The following STAC variants were observed in gnomAD, a reference collection of about 807,000 sequenced individuals.
STAC encodes the protein SH3 and cysteine-rich domain-containing protein.
Under a neutral mutation model 48.8 loss-of-function variants are expected in STAC, and 43 were observed. The ratio of observed to expected loss-of-function variants is 0.88; its 90% CI spans 0.69 to 1.14. The LOEUF (loss-of-function observed/expected upper bound fraction) is 1.14, where lower values mean the gene tolerates loss of function less well. Among genes scored for constraint, STAC ranks in the 50% most tolerant of loss-of-function variants. The pLI is 0.00. For synonymous variants in STAC, 193 were observed against 179.5 expected, an observed-to-expected ratio of 1.07 and a Z score of -0.60; for missense variants, 497 against 504.0, an observed-to-expected ratio of 0.99 and a Z score of 0.13.
chr3:36,534,596 A>G (rs540788523), intron 10 of STAC, among the ~76,000 whole-genome samples: 1 of 150,814 alleles, frequency 6.6e-6, no homozygotes, highest in East Asian at 1.9e-4. Flanking sequence ...TTTTTTGCAG[A>G]GCTCTTGTTT....
At position 36,483,099 on chromosome 3, in the gene STAC, G is replaced by A; in HGVS notation, c.489+7G>A. On this transcript the variant is annotated splice_region_variant and intron_variant, in intron 3 of 10. Coordinates refer to ENST00000273183, the MANE Select transcript of STAC (RefSeq NM_003149.3). ...GCGGTGCATGGGCAAGCTGGTAAGG[G>A]CTTGTGCCAGGAGTGAGGCCCACAC... 6.2e-7 allele frequency: 1 copy of A among 1,610,200 alleles called. No individual in the cohort carries two copies. The highest frequency in any genetic ancestry group is 2.2e-5 in the East Asian group (1 of 44,832).
At chr3:36,395,583 G>C (rs2885139) in intron 1 of STAC, among the ~76,000 whole-genome samples, 62,016 of 151,880 alleles carry the variant, frequency 0.41, 12,831 homozygotes, top group African/African-American at 0.47. Flanking sequence ...TCTAAGATCC[G>C]AGCCAGAAAT....
intron 10 of STAC, among the ~76,000 whole-genome samples, chr3:36,540,508 A>C (rs1699299761): frequency 6.6e-6 from 1 of 152,156 alleles, no homozygotes; most frequent in East Asian, 1.9e-4. Flanking sequence ...GATGCAGCAG[A>C]AGAGGACAGA....
At chr3:36,461,915 GTAAT>G (rs1575215779) in intron 2 of STAC, among the ~76,000 whole-genome samples, 1 of 152,138 alleles carries the variant, frequency 6.6e-6, no homozygotes, top group East Asian at 1.9e-4. Context: ...ATTCTGTAGG[GTAAT>G]TAACAGGACA....
chr3:36,384,515 G>T (rs1340151120), intron 1 of STAC, among the ~76,000 whole-genome samples: 1 of 152,030 alleles, frequency 6.6e-6, no homozygotes, highest in African/African-American at 2.4e-5. Context: ...TTCTCTATTT[G>T]TTTCAAATCA....
chr3:36,487,119 G>A (rs898643942), intron 5 of STAC, among the ~76,000 whole-genome samples: 2 of 152,232 alleles, frequency 1.3e-5, no homozygotes, highest in Non-Finnish European at 2.9e-5. Flanking sequence ...AGAGGGGCAG[G>A]GCACATGCCT....
chr3:36,410,557 C>T (rs866144108), intron 1 of STAC, among the ~76,000 whole-genome samples: 10 of 152,150 alleles, frequency 6.6e-5, no homozygotes, highest in Admixed American at 5.2e-4. Context: ...ATCAGGTTGC[C>T]GTGCTACATG....
intron 6 of STAC, among the ~76,000 whole-genome samples, chr3:36,498,955 T>A (rs1278318391): frequency 6.6e-6 from 1 of 152,030 alleles, no homozygotes; most frequent in Non-Finnish European, 1.5e-5. Flanking sequence ...TACAAAGAAA[T>A]GAAAATTAGA....
chr3:36,514,983 A>G (rs537506579), intron 8 of STAC, among the ~76,000 whole-genome samples: 8 of 152,076 alleles, frequency 5.3e-5, no homozygotes, highest in Admixed American at 2.6e-4. Flanking sequence ...GGTTGCAGTG[A>G]GCCAAGATCA....
chr3:36,540,241 C>T (rs1699291869), intron 10 of STAC, among the ~76,000 whole-genome samples: 1 of 152,154 alleles, frequency 6.6e-6, no homozygotes, highest in Admixed American at 6.5e-5. Context: ...GCAGCCCTGC[C>T]AGCACCTTGT....
chr3:36,513,957 C>T (rs1207971818), intron 8 of STAC, among the ~76,000 whole-genome samples: 3 of 152,044 alleles, frequency 2.0e-5, no homozygotes, highest in Non-Finnish European at 2.9e-5. Context: ...CTAGCCAAGC[C>T]ACTGTCTAGC....
intron 8 of STAC, among the ~76,000 whole-genome samples, chr3:36,511,435 C>A (rs563179750): frequency 6.6e-6 from 1 of 152,212 alleles, no homozygotes; most frequent in East Asian, 1.9e-4. Flanking sequence ...CATTCATGAC[C>A]CCAAAATGTG....
chr3:36,411,628 A>T (rs532759033), intron 1 of STAC, among the ~76,000 whole-genome samples: 8 of 152,348 alleles, frequency 5.3e-5, no homozygotes, highest in African/African-American at 1.7e-4. Flanking sequence ...ATCTAAGCCC[A>T]GGAGAGACTG....
At chr3:36,462,979 CATA>C (rs1697061579) in intron 2 of STAC, among the ~76,000 whole-genome samples, 2 of 152,086 alleles carry the variant, frequency 1.3e-5, no homozygotes, top group African/African-American at 2.4e-5. Flanking sequence ...AGCTATTTTT[CATA>C]ATAAGTGATC....
At chr3:36,493,452 G>T (rs1698048977) in intron 6 of STAC, among the ~76,000 whole-genome samples, 1 of 151,670 alleles carries the variant, frequency 6.6e-6, no homozygotes, top group Admixed American at 6.6e-5. Flanking sequence ...CATACTTTAT[G>T]AGAGTATATT....
intron 5 of STAC, among the ~76,000 whole-genome samples, chr3:36,492,804 G>C (rs973899290): frequency 1.3e-5 from 2 of 152,206 alleles, no homozygotes; most frequent in African/African-American, 4.8e-5. Context: ...GCGTTTTATT[G>C]AAAGTTTTAA....
At chr3:36,397,005 C>A (rs946685778) in intron 1 of STAC, among the ~76,000 whole-genome samples, 10 of 152,186 alleles carry the variant, frequency 6.6e-5, no homozygotes, top group Non-Finnish European at 1.5e-4. Context: ...AAATAAATCA[C>A]CAAACTAGTT....
chr3:36,395,661 T>A (rs908605195), intron 1 of STAC, among the ~76,000 whole-genome samples: 1 of 152,196 alleles, frequency 6.6e-6, no homozygotes, highest in East Asian at 1.9e-4. Context: ...ATGTTAGCAG[T>A]TAGAAGATAA....
chr3:36,524,397 G>C (rs1698878384), intron 8 of STAC, among the ~76,000 whole-genome samples: 1 of 152,160 alleles, frequency 6.6e-6, no homozygotes, highest in East Asian at 1.9e-4. Context: ...TTCGAGACCA[G>C]CCTGGCCAAC....
Sources: allele counts gnomAD v4.1 joint callset (sites outside exome capture counted in the v4.1 genomes callset), GRCh38; gene constraint gnomAD v4.1.1; transcripts MANE v1.5; gene names NCBI Gene and HGNC (gene_info 2026-07-23, HGNC 2026-07-21).